The following SYNPR variants were observed in gnomAD, a reference collection of about 807,000 sequenced individuals.
SYNPR encodes synaptoporin.
A neutral mutation model predicts 32.9 loss-of-function variants in SYNPR; 23 were observed. The observed-to-expected ratio is 0.70, with a 90% CI of 0.50 to 0.99. The LOEUF (loss-of-function observed/expected upper bound fraction) is 0.99. Ranked by LOEUF, SYNPR falls within the 50% of genes least tolerant of loss-of-function variation. The pLI is 0.00. For synonymous variants in SYNPR, 146 were observed against 135.9 expected, an observed-to-expected ratio of 1.07 and a Z score of -0.52; for missense variants, 318 against 349.3, an observed-to-expected ratio of 0.91 and a Z score of 0.71.
intron 3 of SYNPR, among the ~76,000 whole-genome samples, chr3:63,552,372 G>A (rs1480965769): frequency 6.6e-6 from 1 of 152,008 alleles, no homozygotes; most frequent in East Asian, 1.9e-4. Flanking sequence ...CAAAACTATT[G>A]AGGAAGATTC....
intron 1 of SYNPR, among the ~76,000 whole-genome samples, chr3:63,231,457 G>A (rs1474619377): frequency 6.6e-6 from 1 of 152,074 alleles, no homozygotes; most frequent in Non-Finnish European, 1.5e-5. Context: ...AAAACCACCT[G>A]TACCCCAAAA....
chr3:63,587,823 A>G (rs1355618918), intron 4 of SYNPR, among the ~76,000 whole-genome samples: 1 of 152,058 alleles, frequency 6.6e-6, no homozygotes. Flanking sequence ...ATAGCACACT[A>G]TGGCCTCAAA....
chr3:63,531,353 C>A lies in SYNPR; in HGVS notation c.210-25190C>A, dbSNP rs564400742. ...CTTATAGGGGAGTCATTCCTTGCTTCTTCCTGGTTTTGGGTGGAATCAGAG... is the reference window on the plus strand; with the variant it reads ...CTTATAGGGGAGTCATTCCTTGCTTATTCCTGGTTTTGGGTGGAATCAGAG... On this transcript the variant is annotated intron_variant, in intron 3 of 5. Coordinates refer to ENST00000478300, the MANE Select transcript of SYNPR (RefSeq NM_001130003.2). Among the ~76,000 whole-genome samples the A allele has an allele frequency of 1.9e-4, 29 of 152,234 alleles. No individual in the cohort carries two copies. In the East Asian group the frequency reaches 3.3e-3, roughly 17 times the overall value.
At chr3:63,445,677 C>T (rs1321966386) in intron 2 of SYNPR, 2 of 544,686 alleles carry the variant, frequency 3.7e-6, no homozygotes, top group Non-Finnish European at 6.6e-6. Flanking sequence ...CATTACCTCT[C>T]CATTTTACAG....
At chr3:63,241,753 T>C (rs2086245673) in intron 1 of SYNPR, among the ~76,000 whole-genome samples, 1 of 152,112 alleles carries the variant, frequency 6.6e-6, no homozygotes, top group Non-Finnish European at 1.5e-5. Flanking sequence ...TGATCCTATT[T>C]TTAGCTTTTC....
chr3:63,486,699 ACTT>A (rs1223267556), intron 3 of SYNPR, among the ~76,000 whole-genome samples: 10 of 152,220 alleles, frequency 6.6e-5, no homozygotes, highest in East Asian at 5.8e-4. Context: ...GTAAATCCCT[ACTT>A]CTTCTCACTC....
intron 2 of SYNPR, among the ~76,000 whole-genome samples, chr3:63,339,557 C>T (rs1399222142): frequency 6.6e-6 from 1 of 152,086 alleles, no homozygotes; most frequent in Non-Finnish European, 1.5e-5. Context: ...TTAATTTGTG[C>T]ACATGTGTGT....
chr3:63,242,391 G>C (rs918178140), intron 1 of SYNPR, among the ~76,000 whole-genome samples: 1 of 152,014 alleles, frequency 6.6e-6, no homozygotes, highest in African/African-American at 2.4e-5. Flanking sequence ...CTAGGGACTG[G>C]GAAAACTCTG....
chr3:63,556,208 C>A (rs190202505), intron 3 of SYNPR, among the ~76,000 whole-genome samples: 3 of 152,074 alleles, frequency 2.0e-5, no homozygotes, highest in Non-Finnish European at 4.4e-5. Context: ...TAAGGCCTGG[C>A]GAGCCCTGTT....
At chr3:63,615,129 G>A in intron 5 of SYNPR, 95 bp from the exon 6 acceptor site, 1 of 1,409,516 alleles carries the variant, frequency 7.1e-7, no homozygotes, top group Non-Finnish European at 9.5e-7. Flanking sequence ...AAAGTGAAAA[G>A]TGATCTTTTG....
At chr3:63,580,318 G>A (rs559309181) in intron 4 of SYNPR, among the ~76,000 whole-genome samples, 1 of 152,200 alleles carries the variant, frequency 6.6e-6, no homozygotes, top group South Asian at 2.1e-4. Flanking sequence ...AGTGCCCTGG[G>A]GCAAATAAAA....
At chr3:63,495,353 T>C (rs931430338) in intron 3 of SYNPR, among the ~76,000 whole-genome samples, 3 of 152,178 alleles carry the variant, frequency 2.0e-5, no homozygotes, top group African/African-American at 7.2e-5. Context: ...GGGTCCCAGA[T>C]ACTAATCAAA....
At chr3:63,279,077 G>A (rs971759149) in intron 2 of SYNPR, among the ~76,000 whole-genome samples, 3 of 152,182 alleles carry the variant, frequency 2.0e-5, no homozygotes, top group Non-Finnish European at 2.9e-5. Context: ...CTGCCGCTGG[G>A]TTCTGGCCCC....
chr3:63,431,264 A>G (rs1699988385), intron 2 of SYNPR, among the ~76,000 whole-genome samples: 1 of 152,230 alleles, frequency 6.6e-6, no homozygotes, highest in South Asian at 2.1e-4. Flanking sequence ...CTAGAAATCA[A>G]TAACATTGAA....
chr3:63,326,795 A>G (rs2087173566), intron 2 of SYNPR, among the ~76,000 whole-genome samples: 2 of 152,158 alleles, frequency 1.3e-5, no homozygotes, highest in African/African-American at 4.8e-5. Context: ...AGTTCCTGGT[A>G]AGAATCAGAC....
chr3:63,526,475 G>A (rs932060953), intron 3 of SYNPR, among the ~76,000 whole-genome samples: 9 of 152,058 alleles, frequency 5.9e-5, no homozygotes, highest in Admixed American at 1.3e-4. Flanking sequence ...CCAGTGTCTT[G>A]TTCATACTGG....
rs561246666 is a variant in SYNPR, at chr3:63,610,040, T to G, written c.600+724T>G. Among the ~76,000 whole-genome samples, 20 of 152,306 alleles carry G rather than the reference T, an allele frequency of 1.3e-4. No individual in the cohort carries two copies. The South Asian group carries it at 4.1e-3, about 32-fold the overall frequency. On this transcript the variant is annotated intron_variant, in intron 5 of 5. Transcript: ENST00000478300. The stretch of plus-strand genomic sequence containing the variant: ...CACATGTAGCTGGAATACACCCAAC[T>G]GATTAGAGAAAAATACACAGACCTA...
At chr3:63,362,118 T>C (rs1489113215) in intron 2 of SYNPR, among the ~76,000 whole-genome samples, 2 of 152,162 alleles carry the variant, frequency 1.3e-5, no homozygotes, top group African/African-American at 4.8e-5. Flanking sequence ...CTCCCTGCCA[T>C]CTTCCCCCTC....
At chr3:63,391,747 A>T (rs1457409773) in intron 2 of SYNPR, among the ~76,000 whole-genome samples, 2 of 152,176 alleles carry the variant, frequency 1.3e-5, no homozygotes, top group Non-Finnish European at 2.9e-5. Flanking sequence ...ATCATATAGG[A>T]AGATAGTGGC....
Sources: gnomAD v4.1 joint callset for allele counts (sites outside exome capture counted in the v4.1 genomes callset) on GRCh38, gnomAD v4.1.1 for gene constraint, MANE v1.5 for transcripts, NCBI Gene and HGNC (gene_info 2026-07-23, HGNC 2026-07-21) for gene names.